Variants in SNTG1 observed in about 807,000 individuals in gnomAD.
SNTG1 encodes syntrophin gamma 1.
In SNTG1, 39 loss-of-function variants were observed where a neutral mutation model predicts 74.7. The ratio of observed to expected loss-of-function variants is 0.52; its 90% CI spans 0.40 to 0.68. The LOEUF (loss-of-function observed/expected upper bound fraction) is 0.68, where lower values mean the gene tolerates loss of function less well. Ranked by LOEUF, SNTG1 falls within the 30% of genes least tolerant of loss-of-function variation. The pLI, the probability that SNTG1 is intolerant of heterozygous loss-of-function variation, is 0.00. For synonymous variants in SNTG1, 254 were observed against 217.1 expected, an observed-to-expected ratio of 1.17 and a Z score of -1.49; for missense variants, 685 against 609.5, an observed-to-expected ratio of 1.12 and a Z score of -1.30.
At chr8:50,229,871 A>G (rs2085528580) in intron 2 of SNTG1, among the ~76,000 whole-genome samples, 1 of 151,550 alleles carries the variant, frequency 6.6e-6, no homozygotes, top group Non-Finnish European at 1.5e-5. Flanking sequence ...AACAGAAATC[A>G]TGCAAAGTCT....
chr8:50,719,642 G>A (rs1257600733), intron 17 of SNTG1, among the ~76,000 whole-genome samples: 1 of 152,106 alleles, frequency 6.6e-6, no homozygotes, highest in African/African-American at 2.4e-5. Context: ...AAATCTGTAG[G>A]TTAAGAATAA....
chr8:50,184,005 C>T (rs1490241640), intron 2 of SNTG1, among the ~76,000 whole-genome samples: 1 of 152,076 alleles, frequency 6.6e-6, no homozygotes, highest in African/African-American at 2.4e-5. Context: ...CCATCTTAGC[C>T]AAAAATCCTT....
At chr8:49,917,782 C>A (rs1321732201) in intron 1 of SNTG1, among the ~76,000 whole-genome samples, 1 of 152,108 alleles carries the variant, frequency 6.6e-6, no homozygotes, top group African/African-American at 2.4e-5. Context: ...ATTGTAAATT[C>A]AAATGCCCTC....
At chr8:50,248,766 ATGG>A (rs1232957284) in intron 2 of SNTG1, among the ~76,000 whole-genome samples, 2 of 152,322 alleles carry the variant, frequency 1.3e-5, no homozygotes, top group African/African-American at 4.8e-5. Context: ...AGAAATAAAG[ATGG>A]TGGTGCTGCT....
intron 2 of SNTG1, among the ~76,000 whole-genome samples, chr8:50,196,162 A>T (rs2083760955): frequency 1.3e-5 from 2 of 152,148 alleles, no homozygotes; most frequent in South Asian, 4.1e-4. Flanking sequence ...AAGTCTAATG[A>T]TTCTCTATCT....
chr8:50,165,674 T>C (rs184282684), intron 1 of SNTG1, among the ~76,000 whole-genome samples: 1 of 152,328 alleles, frequency 6.6e-6, no homozygotes, highest in Non-Finnish European at 1.5e-5. Context: ...CTTCAGTGAT[T>C]TGCAACTATA....
intron 12 of SNTG1, among the ~76,000 whole-genome samples, chr8:50,566,846 T>C (rs2130728705): frequency 6.6e-6 from 1 of 152,194 alleles, no homozygotes; most frequent in Admixed American, 6.5e-5. Flanking sequence ...GACTTCAATT[T>C]GCTCCTTAGA....
intron 1 of SNTG1, among the ~76,000 whole-genome samples, chr8:50,101,008 A>G (rs574865523): frequency 6.6e-6 from 1 of 152,190 alleles, no homozygotes; most frequent in African/African-American, 2.4e-5. Flanking sequence ...TTTATCTCCA[A>G]CTTATAAACA....
At chr8:50,107,756 G>C (rs1373279581) in intron 1 of SNTG1, among the ~76,000 whole-genome samples, 1 of 151,858 alleles carries the variant, frequency 6.6e-6, no homozygotes, top group Non-Finnish European at 1.5e-5. Flanking sequence ...TTACCATGTT[G>C]GCCAGGTTGG....
At chr8:50,517,256 G>A (rs947375185) in intron 9 of SNTG1, among the ~76,000 whole-genome samples, 3 of 152,120 alleles carry the variant, frequency 2.0e-5, no homozygotes, top group Non-Finnish European at 2.9e-5. Flanking sequence ...GAGAAATTTT[G>A]TCATCACTAA....
At chr8:50,500,950 G>C (rs952614214) in intron 8 of SNTG1, among the ~76,000 whole-genome samples, 2 of 152,106 alleles carry the variant, frequency 1.3e-5, no homozygotes, top group African/African-American at 2.4e-5. Flanking sequence ...GTGTCTCTAG[G>C]CAGAGGAGGA....
intron 15 of SNTG1, among the ~76,000 whole-genome samples, chr8:50,695,162 A>G (rs1295864378): frequency 6.6e-6 from 1 of 151,694 alleles, no homozygotes; most frequent in Non-Finnish European, 1.5e-5. Flanking sequence ...TTTGCAGGTG[A>G]TATGATCTTA....
At chr8:50,540,312 T>A (rs1330788049) in intron 11 of SNTG1, among the ~76,000 whole-genome samples, 1 of 152,222 alleles carries the variant, frequency 6.6e-6, no homozygotes, top group Non-Finnish European at 1.5e-5. Flanking sequence ...CAAAATATTT[T>A]GGGATTTTCT....
At chr8:50,046,599 C>G (rs185417183) in intron 1 of SNTG1, among the ~76,000 whole-genome samples, 87 of 152,160 alleles carry the variant, frequency 5.7e-4, no homozygotes, top group African/African-American at 1.6e-3. Context: ...AAGACTTGGG[C>G]CAAGAGTAAT....
chr8:50,676,941 A>G (rs2095311851), intron 15 of SNTG1, among the ~76,000 whole-genome samples: 2 of 152,016 alleles, frequency 1.3e-5, no homozygotes, highest in African/African-American at 2.4e-5. Flanking sequence ...AGAATTTAAT[A>G]TGTACACAAA....
intron 2 of SNTG1, among the ~76,000 whole-genome samples, chr8:50,320,653 T>C (rs1476961239): frequency 6.6e-6 from 1 of 152,090 alleles, no homozygotes; most frequent in Non-Finnish European, 1.5e-5. Context: ...CACTTGTAGC[T>C]ATAAATTTTT....
At chr8:49,944,408 C>T (rs185597156) in intron 1 of SNTG1, among the ~76,000 whole-genome samples, 5 of 151,368 alleles carry the variant, frequency 3.3e-5, no homozygotes, top group Non-Finnish European at 7.4e-5. Context: ...AATTTCATAA[C>T]ATACATTCTT....
At chr8:49,979,524 C>T (rs1394223610) in intron 1 of SNTG1, among the ~76,000 whole-genome samples, 1 of 152,206 alleles carries the variant, frequency 6.6e-6, no homozygotes, top group Non-Finnish European at 1.5e-5. Flanking sequence ...CGATCCTCCT[C>T]ACCCCTTCCC....
At chr8:49,967,526 T>C (rs1000394610) in intron 1 of SNTG1, among the ~76,000 whole-genome samples, 5 of 152,170 alleles carry the variant, frequency 3.3e-5, no homozygotes, top group African/African-American at 1.2e-4. Context: ...TTGATTTTTG[T>C]TCTCAATTTT....
Sources: allele counts gnomAD v4.1 joint callset (sites outside exome capture counted in the v4.1 genomes callset), GRCh38; gene constraint gnomAD v4.1.1; transcripts MANE v1.5; gene names NCBI Gene and HGNC (gene_info 2026-07-23, HGNC 2026-07-21).